The following NAV2 variants were observed in gnomAD, a reference collection of about 807,000 sequenced individuals.
The protein encoded by NAV2 is neuron navigator 2.
In NAV2, 54 loss-of-function variants were observed where a neutral mutation model predicts 223.2. The observed-to-expected ratio is 0.24, with a 90% CI of 0.19 to 0.30. The LOEUF is 0.30. NAV2 is among the 10% of genes least tolerant of loss of function. The pLI is 1.00. For synonymous variants in NAV2, 1,279 were observed against 1,239.3 expected, an observed-to-expected ratio of 1.03 and a Z score of -0.67; for missense variants, 2,806 against 3,147.5, an observed-to-expected ratio of 0.89 and a Z score of 2.60.
intron 1 of NAV2, among the ~76,000 whole-genome samples, chr11:19,461,273 G>A (rs1384656893): frequency 6.6e-6 from 1 of 151,960 alleles, no homozygotes; most frequent in Non-Finnish European, 1.5e-5. Flanking sequence ...CCTCTCCCTG[G>A]TCCATTGCCA....
chr11:19,719,375 A>T (rs949269758), intron 1 of NAV2, among the ~76,000 whole-genome samples: 2 of 152,208 alleles, frequency 1.3e-5, no homozygotes, highest in African/African-American at 4.8e-5. Flanking sequence ...AGGCAGTTTT[A>T]CGTGGTAAAT....
intron 29 of NAV2, among the ~76,000 whole-genome samples, 173 bp downstream of exon 29, chr11:20,093,372 G>C (rs1257865115): frequency 6.6e-6 from 1 of 152,154 alleles, no homozygotes; most frequent in Non-Finnish European, 1.5e-5. Context: ...CACAAGTAAA[G>C]TGTGCGAACG....
intron 2 of NAV2, among the ~76,000 whole-genome samples, chr11:19,836,296 G>A (rs957104084): frequency 2.6e-5 from 4 of 151,866 alleles, no homozygotes; most frequent in Admixed American, 6.6e-5. Flanking sequence ...GGTGGCTCAC[G>A]CCTGTAATCC....
intron 1 of NAV2, among the ~76,000 whole-genome samples, chr11:19,389,524 T>C (rs191846367): frequency 2.1e-3 from 315 of 152,310 alleles, no homozygotes; most frequent in Non-Finnish European, 3.9e-3. Context: ...GCTGAACAGA[T>C]CCTTTTCCTT....
chr11:20,022,712 C>T lies in NAV2; in HGVS notation c.2769-13247C>T, dbSNP rs2625325. The T allele has an allele frequency of 6.4e-3, 6,601 of 1,030,098 alleles. 329 individuals carry two copies. The African/African-American group carries it at 0.1, about 16-fold the overall frequency. 63.8% of individuals were successfully genotyped at this position (1,030,098 alleles called of 1,614,324 possible). A position where few individuals can be genotyped will look rare whatever the true frequency, so the allele number is the denominator to read the frequency against. On this transcript the variant is annotated intron_variant, in intron 11 of 37. Transcript: ENST00000349880. Reference sequence around the variant, plus strand: ...TCTGTGAGGATTTAAAGTAGTTTTTCATTCTTAGATTTTCTTCAATTTGAC... The same window carrying T: ...TCTGTGAGGATTTAAAGTAGTTTTTTATTCTTAGATTTTCTTCAATTTGAC...
At position 19,373,401 on chromosome 11, in the gene NAV2, A is replaced by G. The variant is rs761505870; in HGVS notation, c.75+22374A>G. Among the ~76,000 whole-genome samples, 70 of 152,022 alleles carry G rather than the reference A, an allele frequency of 4.6e-4. 1 individual carries two copies. Among genetic ancestry groups the G allele is most frequent in the Non-Finnish European group, 1.0e-3 (68 of 68,002 alleles). ...TCTCTTTCACTCTCCCTTTGGCCAC[A>G]ATGACCTTCTTGCTGCTCCTTGAAT... is the stretch of plus-strand genomic sequence containing the variant. On this transcript the variant is annotated intron_variant, in intron 1 of 37. Transcript: ENST00000360655.
intron 1 of NAV2, among the ~76,000 whole-genome samples, chr11:19,393,245 T>A (rs931747552): frequency 3.9e-5 from 6 of 152,216 alleles, no homozygotes; most frequent in African/African-American, 1.4e-4. Flanking sequence ...AATGACACAG[T>A]AAGACCACCA....
intron 11 of NAV2, among the ~76,000 whole-genome samples, chr11:20,033,591 T>C (rs1223056997): frequency 3.9e-5 from 6 of 152,176 alleles, no homozygotes; most frequent in African/African-American, 1.4e-4. Context: ...AAGCCCCTTT[T>C]GAGCCCTCAC....
chr11:19,810,221 GC>G (rs1464732319), intron 1 of NAV2, among the ~76,000 whole-genome samples: 1 of 152,106 alleles, frequency 6.6e-6, no homozygotes, highest in African/African-American at 2.4e-5. Flanking sequence ...GTCAGCTTTG[GC>G]CATTGGGAGC....
At chr11:19,607,985 G>A (rs1003981052) in intron 1 of NAV2, among the ~76,000 whole-genome samples, 2 of 152,174 alleles carry the variant, frequency 1.3e-5, no homozygotes. Flanking sequence ...ACTGTGCTGT[G>A]CACATCAATG....
chr11:19,919,552 C>T (rs771300391), intron 6 of NAV2, among the ~76,000 whole-genome samples: 8 of 152,090 alleles, frequency 5.3e-5, no homozygotes, highest in African/African-American at 1.4e-4. Context: ...TGGGCAGGGC[C>T]GTGGGAGCCA....
chr11:19,928,176 C>T (rs1239204608), intron 6 of NAV2, among the ~76,000 whole-genome samples: 28 of 151,510 alleles, frequency 1.8e-4, no homozygotes, highest in East Asian at 9.8e-4. Context: ...AAAATTTCTG[C>T]GTGATTTTTG....
rs746477187 is a variant in NAV2, at chr11:20,044,940, A to G, written c.3200-28A>G. 8 of 1,560,346 alleles carry G rather than the reference A, an allele frequency of 5.1e-6. No homozygotes were observed. In the South Asian group the frequency reaches 9.7e-5, roughly 19 times the overall value. ...ATGGATGAGCTGGCTCTTGGCTTGC[A>G]GGCTAATCTTGCTGATCTCTCTCTT... On this transcript the variant is annotated intron_variant, in intron 13 of 37. Coordinates refer to ENST00000349880, the MANE Select transcript of NAV2 (RefSeq NM_145117.5).
intron 36 of NAV2, among the ~76,000 whole-genome samples, chr11:20,111,717 G>A (rs1314756888): frequency 2.0e-5 from 3 of 152,158 alleles, no homozygotes; most frequent in Non-Finnish European, 2.9e-5. Context: ...GCCATTTATC[G>A]GATTATCCAG....
chr11:19,892,403 A>G, intron 5 of NAV2, 31 bp from the exon 6 acceptor site: 2 of 1,603,558 alleles, frequency 1.2e-6, no homozygotes, highest in Non-Finnish European at 1.7e-6. Context: ...TCTGAGACTG[A>G]ATGCATTATC....
At chr11:19,782,327 A>G (rs2056813164) in intron 1 of NAV2, among the ~76,000 whole-genome samples, 1 of 152,246 alleles carries the variant, frequency 6.6e-6, no homozygotes, top group Non-Finnish European at 1.5e-5. Flanking sequence ...AAATAAAGAA[A>G]GGAATATTGG....
chr11:19,453,061 G>A (rs919544538), intron 1 of NAV2, among the ~76,000 whole-genome samples: 1 of 152,162 alleles, frequency 6.6e-6, no homozygotes, highest in Non-Finnish European at 1.5e-5. Flanking sequence ...TGGTAAGTGC[G>A]AGTTAGGGTT....
intron 1 of NAV2, among the ~76,000 whole-genome samples, chr11:19,529,181 C>T (rs1325386205): frequency 6.6e-6 from 1 of 152,128 alleles, no homozygotes; most frequent in Non-Finnish European, 1.5e-5. Flanking sequence ...GTTATTGGTG[C>T]CCCATGAAAA....
chr11:20,002,955 A>G (rs116562489), intron 11 of NAV2, among the ~76,000 whole-genome samples: 1 of 152,180 alleles, frequency 6.6e-6, no homozygotes, highest in East Asian at 1.9e-4. Flanking sequence ...TAAACACTAC[A>G]CAAACACCCA....
Sources: gnomAD v4.1 joint callset for allele counts (sites outside exome capture counted in the v4.1 genomes callset) on GRCh38, gnomAD v4.1.1 for gene constraint, MANE v1.5 for transcripts, NCBI Gene and HGNC (gene_info 2026-07-23, HGNC 2026-07-21) for gene names.